The following GSE1 variants were observed in gnomAD, a reference collection of about 807,000 sequenced individuals.
GSE1 encodes the protein genetic suppressor element 1.
A neutral mutation model predicts 112.6 loss-of-function variants in GSE1; 32 were observed. That is an observed-to-expected ratio of 0.28 (90% CI 0.21 to 0.38). GSE1 has a LOEUF of 0.38. Ranked by LOEUF, GSE1 falls within the 10% of genes least tolerant of loss-of-function variation. The pLI, the probability that GSE1 is intolerant of heterozygous loss-of-function variation, is 1.00. For missense variants in GSE1, 2,348 were observed against 1,699.2 expected (o/e 1.38, Z -6.71); for synonymous variants, 1,115 against 735.6 (o/e 1.52, Z -8.35).
intron 2 of GSE1, among the ~76,000 whole-genome samples, chr16:85,404,698 C>T (rs1174313532): frequency 8.3e-4 from 40 of 47,980 alleles, no homozygotes; most frequent in South Asian, 2.3e-3. Flanking sequence ...TCAGGCCCCC[C>T]GGATAATCCT....
At chr16:85,611,475 G>A, upstream of GSE1, 1 of 985,298 alleles carries the variant, frequency 1.0e-6, no homozygotes, top group Non-Finnish European at 1.2e-6. Context: ...GTGAGCTGGC[G>A]GGTCGTGCGG....
At chr16:85,484,524 A>G (rs1567526447) in intron 2 of GSE1, among the ~76,000 whole-genome samples, 1 of 152,258 alleles carries the variant, frequency 6.6e-6, no homozygotes, top group Non-Finnish European at 1.5e-5. Flanking sequence ...TGAGTGACGA[A>G]GCCAGGGAGA....
At chr16:85,243,767 C>T (rs1905353367) in intron 1 of GSE1, among the ~76,000 whole-genome samples, 1 of 152,162 alleles carries the variant, frequency 6.6e-6, no homozygotes, top group African/African-American at 2.4e-5. Context: ...AAGGATCCAC[C>T]ATGGTCATTT....
At chr16:85,460,372 C>T (rs917345346) in intron 2 of GSE1, among the ~76,000 whole-genome samples, 1 of 152,170 alleles carries the variant, frequency 6.6e-6, no homozygotes, top group African/African-American at 2.4e-5. Context: ...TCTTAAACTT[C>T]CCGAATTGTC....
intron 2 of GSE1, among the ~76,000 whole-genome samples, chr16:85,515,600 G>A (rs1345345633): frequency 6.6e-6 from 1 of 151,226 alleles, no homozygotes; most frequent in Non-Finnish European, 1.5e-5. Flanking sequence ...ACTGGGCCAG[G>A]CAGTTTTCTG....
chr16:85,494,717 C>T (rs1389326228), intron 2 of GSE1, among the ~76,000 whole-genome samples: 2 of 152,176 alleles, frequency 1.3e-5, no homozygotes, highest in African/African-American at 2.4e-5. Flanking sequence ...AATAAGGTCA[C>T]ATTCTGAGAT....
intron 2 of GSE1, among the ~76,000 whole-genome samples, chr16:85,497,021 C>A (rs925252515): frequency 6.6e-6 from 1 of 152,170 alleles, no homozygotes; most frequent in Non-Finnish European, 1.5e-5. Context: ...GCCTCAGCCT[C>A]CCGAGTAGCT....
intron 1 of GSE1, among the ~76,000 whole-genome samples, chr16:85,293,834 C>T (rs560450724): frequency 5.8e-4 from 89 of 152,310 alleles, no homozygotes; most frequent in Middle Eastern, 3.4e-3. Context: ...CGGCCTTCTA[C>T]GGAGGACACC....
chr16:85,605,661 C>T (rs1390063973), intron 1 of GSE1, among the ~76,000 whole-genome samples: 1 of 151,776 alleles, frequency 6.6e-6, no homozygotes, highest in East Asian at 1.9e-4. Context: ...CCCTGCACCC[C>T]CGGGGGGGCC....
intron 1 of GSE1, among the ~76,000 whole-genome samples, chr16:85,577,818 T>G (rs1355393023): frequency 6.6e-6 from 1 of 152,192 alleles, no homozygotes; most frequent in Non-Finnish European, 1.5e-5. Context: ...GTTCCAGGTT[T>G]CCCCTTTTCC....
intron 2 of GSE1, among the ~76,000 whole-genome samples, chr16:85,361,067 T>A (rs2047062850): frequency 6.6e-6 from 1 of 150,766 alleles, no homozygotes; most frequent in South Asian, 2.1e-4. Flanking sequence ...TATGGATACA[T>A]ACACAGAGTA....
At chr16:85,327,824 A>G (rs1250391414) in intron 1 of GSE1, among the ~76,000 whole-genome samples, 4 of 152,064 alleles carry the variant, frequency 2.6e-5, no homozygotes, top group African/African-American at 9.7e-5. Context: ...CCGGGGGGAG[A>G]GTGAATTCTT....
intron 1 of GSE1, among the ~76,000 whole-genome samples, chr16:85,178,628 G>T (rs1021859365): frequency 6.6e-6 from 1 of 151,996 alleles, no homozygotes; most frequent in Non-Finnish European, 1.5e-5. Context: ...ATTTATCCTG[G>T]AAGGCCACGG....
At chr16:85,643,961 C>T (rs1455413587) in intron 2 of GSE1, among the ~76,000 whole-genome samples, 1 of 152,174 alleles carries the variant, frequency 6.6e-6, no homozygotes, top group East Asian at 1.9e-4. Context: ...CACATTTCCC[C>T]TACTCACAGC....
At chr16:85,280,169 C>T (rs142014773) in intron 1 of GSE1, among the ~76,000 whole-genome samples, 105 of 152,300 alleles carry the variant, frequency 6.9e-4, no homozygotes, top group Middle Eastern at 3.4e-3. Flanking sequence ...AGCTTCCCAG[C>T]AGGCGGTGCT....
At chr16:85,193,471 G>GCTTTT (rs1567602031) in intron 1 of GSE1, among the ~76,000 whole-genome samples, 9 of 151,572 alleles carry the variant, frequency 5.9e-5, no homozygotes. Flanking sequence ...TTTTGCTTTT[G>GCTTTT]TTTTTTTTGA....
Position 85,613,407 on chromosome 16 carries a change from G to A in GSE1, c.7+9G>A, listed in dbSNP as rs1360519387. ...GGGCCCTGGCATGAAAGGTGAGCGC[G>A]CCGCACCCGGCCGGGGACGGGGTCC... On this transcript the variant is annotated intron_variant, in intron 1 of 15. Coordinates refer to ENST00000253458, the MANE Select transcript of GSE1 (RefSeq NM_014615.5). The A allele has an allele frequency of 2.6e-6, 4 of 1,554,672 alleles. No individual in the cohort carries two copies. The South Asian group carries it at 3.5e-5, about 14-fold the overall frequency.
chr16:85,241,668 A>C (rs769722772), intron 1 of GSE1, among the ~76,000 whole-genome samples: 1 of 152,166 alleles, frequency 6.6e-6, no homozygotes. Flanking sequence ...ATTCAAACTC[A>C]GGTCTGCATG....
rs1367307342 is a variant in GSE1 at position 85,171,219 on chromosome 16, C to T, written c.1695C>T (p.Gly565=). Residue 565 remains glycine, a synonymous_variant, in exon 1 of 3, where the codon GGC becomes GGT. Transcript: ENST00000637419. Reference sequence around the variant, plus strand: ...TCACCTCCGTGCAGGGCTTCCTGGGCAGGTACCACCAGGCCTTCTCCGCCT... The same window carrying T: ...TCACCTCCGTGCAGGGCTTCCTGGGTAGGTACCACCAGGCCTTCTCCGCCT... 12 of 985,530 alleles carry T rather than the reference C, an allele frequency of 1.2e-5. 1 individual carries two copies. Among genetic ancestry groups the T allele is most frequent in the Non-Finnish European group, 3.6e-6 (3 of 830,110 alleles). The allele number at this position is 985,530 out of a possible 1,614,324, so 61.0% of individuals were successfully genotyped here. A position where few individuals can be genotyped will look rare whatever the true frequency, so the allele number is the denominator to read the frequency against.
Sources: gnomAD v4.1 joint callset for allele counts (sites outside exome capture counted in the v4.1 genomes callset) on GRCh38, gnomAD v4.1.1 for gene constraint, MANE v1.5 for transcripts, NCBI Gene and HGNC (gene_info 2026-07-23, HGNC 2026-07-21) for gene names.